The following GABRA3 variants were observed in gnomAD, a reference collection of about 807,000 sequenced individuals.
GABRA3 encodes the protein gamma-aminobutyric acid type A receptor subunit alpha3.
A neutral mutation model predicts 30.1 loss-of-function variants in GABRA3; 10 were observed. That is an observed-to-expected ratio of 0.33 (90% CI 0.20 to 0.56). The LOEUF (loss-of-function observed/expected upper bound fraction) is 0.56, where lower values mean the gene tolerates loss of function less well. Among genes scored for constraint, GABRA3 ranks in the 20% least tolerant of loss-of-function variants. GABRA3 has a pLI of 0.89. For missense variants in GABRA3, 233 were observed against 392.0 expected, an observed-to-expected ratio of 0.59 and a Z score of 3.42; for synonymous variants, 151 against 146.8, an observed-to-expected ratio of 1.03 and a Z score of -0.21.
At chrX:152,369,515 G>A (rs1928769886) in intron 1 of GABRA3, among the ~76,000 whole-genome samples, 1 of 111,403 alleles carries the variant, frequency 9.0e-6, no homozygotes, top group Non-Finnish European at 1.9e-5. Context: ...TGTCAGGTAT[G>A]CTCCTGCACC....
At chrX:152,384,630 A>G (rs1929246345) in intron 1 of GABRA3, among the ~76,000 whole-genome samples, 1 of 112,385 alleles carries the variant, frequency 8.9e-6, no homozygotes, top group Admixed American at 9.5e-5. Flanking sequence ...TGGATTGAAG[A>G]TCTAAATATG....
chrX:152,294,597 T>C (rs1317968619), intron 3 of GABRA3, among the ~76,000 whole-genome samples: 3 of 111,270 alleles, frequency 2.7e-5, no homozygotes, highest in African/African-American at 9.8e-5. Context: ...CAGAGAAGTT[T>C]GTTATTACCA....
chrX:152,303,313 A>G lies in GABRA3; in HGVS notation c.263-18578T>C, dbSNP rs760231852. ...GCGATCATTAAAAAGTCAGGAAACA[A>G]CAGATGCCGGCCAGGATGTGGAGGA... On this transcript the variant is annotated intron_variant, in intron 3 of 9. Coordinates refer to ENST00000370314, the MANE Select transcript of GABRA3 (RefSeq NM_000808.4). Among the ~76,000 whole-genome samples, 41 of 111,876 alleles carry G rather than the reference A, an allele frequency of 3.7e-4. 1 individual carries two copies. The highest frequency in any genetic ancestry group is 6.6e-4 in the Non-Finnish European group (35 of 53,272).
At chrX:152,406,044 C>T (rs746181166) in intron 1 of GABRA3, among the ~76,000 whole-genome samples, 34 of 110,333 alleles carry the variant, frequency 3.1e-4, no homozygotes, top group South Asian at 8.2e-4. Context: ...TCTTATCTTA[C>T]TTAAGCCCAC....
In GABRA3 at chrX:152,231,253, G is replaced by A. The variant is rs761534184; in HGVS notation, c.552-6408C>T. Among the ~76,000 whole-genome samples the A allele has an allele frequency of 1.3e-3, 130 of 99,507 alleles. 1 individual carries two copies. The highest frequency in any genetic ancestry group is 4.2e-3 in the African/African-American group (120 of 28,406). The allele number at this position is 99,507 out of a possible 115,157, so 86.4% of individuals were successfully genotyped here. ...TATACACACATATGTATACATACAC[G>A]TATATGTATATATACACGTATATAT... is the stretch of plus-strand genomic sequence containing the variant. On this transcript the variant is annotated intron_variant, in intron 5 of 9. Transcript: ENST00000370314.
Position 152,167,724 on chromosome X carries a change from C to CCG in GABRA3, c.*503_*504insCG. 1 of 116,257 alleles carries CCG rather than the reference C, an allele frequency of 8.6e-6. No individual in the cohort carries two copies. The highest frequency in any genetic ancestry group is 1.8e-5 in the Non-Finnish European group (1 of 55,096). 9.6% of individuals were successfully genotyped at this position (116,257 alleles called of 1,213,427 possible). On this transcript the variant is annotated 3_prime_UTR_variant, in exon 10 of 10. Transcript: ENST00000370314. ...GGTGTAGAACTGGCTCCCACCTTTG[C>CCG]TATCAGTACTTATGCCTAGTAGGCC...
chrX:152,315,590 G>A (rs1939861427), intron 3 of GABRA3, among the ~76,000 whole-genome samples: 1 of 111,330 alleles, frequency 9.0e-6, no homozygotes. Flanking sequence ...CTGGGAAGCT[G>A]GTAGCCTGAG....
intron 3 of GABRA3, among the ~76,000 whole-genome samples, chrX:152,312,530 C>A (rs1569393552): frequency 8.9e-6 from 1 of 111,921 alleles, no homozygotes; most frequent in Admixed American, 9.5e-5. Context: ...ACTATAAAGA[C>A]CCTTGAAGAA....
chrX:152,237,518 T>C lies in GABRA3; in HGVS notation c.552-12673A>G, dbSNP rs1307197985. The stretch of plus-strand genomic sequence containing the variant: ...CCATATGAACTTTAAAGTAGTTTTT[T>C]CCAATTCTGTGAAGAAAGTCATTGG... On this transcript the variant is annotated intron_variant, in intron 5 of 9. Coordinates refer to ENST00000370314, the MANE Select transcript of GABRA3 (RefSeq NM_000808.4). Among the ~76,000 whole-genome samples, 111 of 102,254 alleles carry C rather than the reference T, an allele frequency of 1.1e-3. 2 individuals are homozygous for C. The highest frequency in any genetic ancestry group is 8.7e-4 in the Admixed American group (8 of 9,213). 88.8% of individuals were successfully genotyped at this position (102,254 alleles called of 115,157 possible). A position where few individuals can be genotyped will look rare whatever the true frequency, so the allele number is the denominator to read the frequency against.
intron 4 of GABRA3, among the ~76,000 whole-genome samples, chrX:152,281,398 C>T (rs141162018): frequency 0.03 from 3,309 of 111,524 alleles, 115 homozygotes; most frequent in African/African-American, 0.1. Context: ...ACAGGATTGG[C>T]ATTACTACTG....
At chrX:152,440,184 A>C (rs1930886477) in intron 1 of GABRA3, among the ~76,000 whole-genome samples, 1 of 112,454 alleles carries the variant, frequency 8.9e-6, no homozygotes, top group Non-Finnish European at 1.9e-5. Context: ...CAAGAAAAAA[A>C]CAACCCCATC....
chrX:152,294,042 C>T (rs766005731), intron 3 of GABRA3, among the ~76,000 whole-genome samples: 95 of 111,772 alleles, frequency 8.5e-4, no homozygotes, highest in Non-Finnish European at 1.6e-3. Context: ...CGACCTTTCT[C>T]TCTGGCTGCC....
chrX:152,265,527 G>A, intron 4 of GABRA3, among the ~76,000 whole-genome samples: 1 of 111,235 alleles, frequency 9.0e-6, no homozygotes, highest in Non-Finnish European at 1.9e-5. Context: ...ATAGATATAA[G>A]TGCCTCTACC....
At position 152,201,341 on chromosome X, in the gene GABRA3, T is replaced by C. The variant is rs779833589; in HGVS notation, c.779-3556A>G. On this transcript the variant is annotated intron_variant, in intron 7 of 9. Transcript: ENST00000370314. ...TGTACCACCTGTGTTGTGTGTGTTG[T>C]ATATGAAATATTCAAGGGTACAATA... Among the ~76,000 whole-genome samples, 163 of 86,586 alleles carry C rather than the reference T, an allele frequency of 1.9e-3. 1 individual carries two copies. Among genetic ancestry groups the C allele is most frequent in the African/African-American group, 6.0e-3 (157 of 26,334 alleles). The allele number at this position is 86,586 out of a possible 115,157, so 75.2% of individuals were successfully genotyped here.
rs1182048951 is a variant in GABRA3 at position 152,322,914 on chromosome X, G to A, written c.262+22667C>T. 7.8e-5 allele frequency among the ~76,000 whole-genome samples: 7 copies of A among 89,814 alleles called. No individual in the cohort carries two copies. In the South Asian group the frequency reaches 1.9e-3, roughly 24 times the overall value. 78.0% of individuals were successfully genotyped at this position (89,814 alleles called of 115,157 possible). ...TGTCACCAGGCTGGAGTGCAGTGGC[G>A]CAATCTCGGCTCACTGCAACCTCCG... is the stretch of plus-strand genomic sequence containing the variant. On this transcript the variant is annotated intron_variant, in intron 3 of 9. Coordinates refer to ENST00000370314, the MANE Select transcript of GABRA3 (RefSeq NM_000808.4).
intron 9 of GABRA3, among the ~76,000 whole-genome samples, chrX:152,177,752 T>C (rs1024914579): frequency 9.0e-6 from 1 of 111,321 alleles, no homozygotes; most frequent in Non-Finnish European, 1.9e-5. Flanking sequence ...GTCATCCAAT[T>C]GAAAAACAAA....
At chrX:152,170,113 A>G (rs1328483219) in intron 9 of GABRA3, among the ~76,000 whole-genome samples, 1 of 112,144 alleles carries the variant, frequency 8.9e-6, no homozygotes, top group Non-Finnish European at 1.9e-5. Flanking sequence ...GGTGTGGGAG[A>G]AAGCCTTTTA....
intron 2 of GABRA3, among the ~76,000 whole-genome samples, chrX:152,363,338 C>T (rs1312322320): frequency 8.9e-6 from 1 of 111,909 alleles, no homozygotes. Context: ...ATACTATTCT[C>T]GGATCCCTTT....
chrX:152,316,553 G>A (rs887895724), intron 3 of GABRA3, among the ~76,000 whole-genome samples: 3 of 111,657 alleles, frequency 2.7e-5, no homozygotes, highest in African/African-American at 6.5e-5. Flanking sequence ...TAGGCACATA[G>A]TCATCAGGTT....
Sources: gnomAD v4.1 joint callset for allele counts (sites outside exome capture counted in the v4.1 genomes callset) on GRCh38, gnomAD v4.1.1 for gene constraint, MANE v1.5 for transcripts, NCBI Gene and HGNC (gene_info 2026-07-23, HGNC 2026-07-21) for gene names.